Variants in CSMD2 observed in about 807,000 individuals in gnomAD.
CSMD2 encodes CUB and Sushi multiple domains 2, also known as CUB and sushi domain-containing protein 2.
Under a neutral mutation model 398.5 loss-of-function variants are expected in CSMD2, and 130 were observed. That is an observed-to-expected ratio of 0.33 (90% CI 0.28 to 0.38). CSMD2 has a LOEUF of 0.38. Ranked by LOEUF, CSMD2 falls within the 10% of genes least tolerant of loss-of-function variation. The pLI, the probability that CSMD2 is intolerant of heterozygous loss-of-function variation, is 1.00. For synonymous variants in CSMD2, 1,828 were observed against 1,908.5 expected, an observed-to-expected ratio of 0.96 and a Z score of 1.10; for missense variants, 3,829 against 4,764.9, an observed-to-expected ratio of 0.80 and a Z score of 5.78.
At chr1:34,092,943 C>T (rs1346437374) in intron 1 of CSMD2, among the ~76,000 whole-genome samples, 1 of 152,078 alleles carries the variant, frequency 6.6e-6, no homozygotes, top group Non-Finnish European at 1.5e-5. Context: ...GTAGGCTCCA[C>T]CTCTGGGGGC....
intron 1 of CSMD2, among the ~76,000 whole-genome samples, chr1:34,095,876 T>C (rs953765564): frequency 2.6e-5 from 4 of 151,672 alleles, no homozygotes; most frequent in African/African-American, 2.4e-5. Flanking sequence ...TTCCAATCAA[T>C]AGAAAAAGAA....
At chr1:34,077,995 A>T (rs2625687) in intron 2 of CSMD2, among the ~76,000 whole-genome samples, 1 of 151,644 alleles carries the variant, frequency 6.6e-6, no homozygotes, top group Non-Finnish European at 1.5e-5. Flanking sequence ...TACTCATGAA[A>T]TTTTTTTTTA....
At position 33,636,606 on chromosome 1, in the gene CSMD2, G is replaced by A; in HGVS notation, c.4775-52C>T. On this transcript the variant is annotated intron_variant, in intron 29 of 70. Coordinates refer to ENST00000373381, the MANE Select transcript of CSMD2 (RefSeq NM_001281956.2). This position sits in a 1 kb window ranked among gnomAD's most constrained non-coding sequence, Gnocchi z 4.8. ...CACACACACAGAGGGCTCATGAGGA[G>A]GCTATTCTTGGGCTCCAGTGCCCAT... is the stretch of plus-strand genomic sequence containing the variant. 6.6e-7 allele frequency: 1 copy of A among 1,518,370 alleles called. No individual in the cohort carries two copies. Among genetic ancestry groups the A allele is most frequent in the Non-Finnish European group, 9.1e-7 (1 of 1,102,106 alleles). The allele number at this position is 1,518,370 out of a possible 1,614,324, so 94.1% of individuals were successfully genotyped here.
At chr1:33,832,230 T>C (rs1435896170) in intron 6 of CSMD2, among the ~76,000 whole-genome samples, 1 of 151,744 alleles carries the variant, frequency 6.6e-6, no homozygotes, top group African/African-American at 2.4e-5. Flanking sequence ...CACCACACCA[T>C]AACTATTCCA....
chr1:33,688,494 C>T (rs776995580), intron 25 of CSMD2, among the ~76,000 whole-genome samples: 6 of 152,114 alleles, frequency 3.9e-5, no homozygotes, highest in Non-Finnish European at 7.3e-5. Context: ...CGTTTCATTT[C>T]GAGTTTATAA....
At chr1:34,131,348 G>GT (rs1169788999) in intron 1 of CSMD2, among the ~76,000 whole-genome samples, 1 of 140,812 alleles carries the variant, frequency 7.1e-6, no homozygotes, top group African/African-American at 3.2e-5. Context: ...GTGCAGGAGA[G>GT]GGGGGGGTCT....
chr1:33,980,727 G>C lies in CSMD2; in HGVS notation c.518-44773C>G, dbSNP rs572092672. On this transcript the variant is annotated intron_variant, in intron 3 of 70. Coordinates refer to ENST00000373381, the MANE Select transcript of CSMD2 (RefSeq NM_001281956.2). ...CTCTAGAAGATTAGAGTCTAGTAGG[G>C]GTGGTAGGCAGTCATCAGAAAGCCC... is the stretch of plus-strand genomic sequence containing the variant. Among the ~76,000 whole-genome samples the C allele has an allele frequency of 4.5e-4, 68 of 152,284 alleles. 1 individual carries two copies. In the Middle Eastern group the frequency reaches 0.02, roughly 46 times the overall value.
At chr1:33,825,950 T>C (rs1658760998) in intron 6 of CSMD2, among the ~76,000 whole-genome samples, 176 bp from the exon 7 acceptor site, 1 of 152,076 alleles carries the variant, frequency 6.6e-6, no homozygotes, top group South Asian at 2.1e-4. Flanking sequence ...ACCTCAGACA[T>C]GAAGGAAAAG....
At chr1:33,935,641 G>A in intron 4 of CSMD2, 119 bp downstream of exon 4, 1 of 1,077,300 alleles carries the variant, frequency 9.3e-7, no homozygotes. Context: ...GTCCAGACTT[G>A]GGTACCCCCC....
chr1:33,581,613 A>C (rs75489678), intron 47 of CSMD2, among the ~76,000 whole-genome samples: 3,755 of 151,980 alleles, frequency 0.025, 96 homozygotes, highest in African/African-American at 0.064. Flanking sequence ...GAATGAATAC[A>C]TAGCAATAAA....
At chr1:33,576,680 T>C (rs940335892) in intron 49 of CSMD2, among the ~76,000 whole-genome samples, 1 of 152,210 alleles carries the variant, frequency 6.6e-6, no homozygotes, top group Non-Finnish European at 1.5e-5. Flanking sequence ...AAGAGCTTTG[T>C]ACACGGATGA....
In CSMD2 at chr1:33,559,565, A is replaced by T; in HGVS notation, c.8381-92T>A. ...CTCACCTGGCATCTCTTAGGCCATC[A>T]GTGAAGTTCAGCCCTAAGTCTAACT... On this transcript the variant is annotated intron_variant, in intron 53 of 70. Coordinates refer to ENST00000373381, the MANE Select transcript of CSMD2 (RefSeq NM_001281956.2). The surrounding 1 kb of genome is among the most constrained non-coding windows in gnomAD (Gnocchi z 4.0). The T allele has an allele frequency of 8.7e-7, 1 of 1,143,108 alleles. No homozygotes were observed. The highest frequency in any genetic ancestry group is 1.2e-6 in the Non-Finnish European group (1 of 805,518). 70.8% of individuals were successfully genotyped at this position (1,143,108 alleles called of 1,614,324 possible). A position where few individuals can be genotyped will look rare whatever the true frequency, so the allele number is the denominator to read the frequency against.
intron 1 of CSMD2, among the ~76,000 whole-genome samples, chr1:34,126,751 C>T (rs1558428335): frequency 6.6e-6 from 1 of 151,002 alleles, no homozygotes; most frequent in Non-Finnish European, 1.5e-5. Context: ...GTCCTTGTGG[C>T]CAGGAGGAAG....
At position 33,519,491 on chromosome 1, in the gene CSMD2, G is replaced by T; in HGVS notation, c.*27C>A. 6.2e-7 allele frequency: 1 copy of T among 1,607,998 alleles called. No homozygotes were observed. The highest frequency in any genetic ancestry group is 8.5e-7 in the Non-Finnish European group (1 of 1,177,874). ...GGCTGCTGGAGGCGGGGCTCTCGGT[G>T]GCGGTGGTGGCGGCCAGGCCGGGTG... On this transcript the variant is annotated 3_prime_UTR_variant, in exon 70 of 71. Transcript: ENST00000373381. This position sits in a 1 kb window ranked among gnomAD's most constrained non-coding sequence, Gnocchi z 5.6.
intron 59 of CSMD2, 122 bp from the exon 60 acceptor site, chr1:33,540,820 C>A: frequency 9.2e-7 from 1 of 1,084,624 alleles, no homozygotes. Context: ...CAGGAAGAAC[C>A]AGAATGGGGC....
rs200333295 is a variant in CSMD2 at position 33,533,016 on chromosome 1, G to A, written c.10171+34C>T. 5.9e-5 allele frequency: 92 copies of A among 1,567,686 alleles called. No individual in the cohort carries two copies. The highest frequency in any genetic ancestry group is 1.6e-4 in the East Asian group (7 of 44,028). On this transcript the variant is annotated intron_variant, in intron 64 of 70. Transcript: ENST00000373381. The surrounding 1 kb of genome is among the most constrained non-coding windows in gnomAD (Gnocchi z 4.2). ...GTTCAGCCAGCACTTTCAGCCTCCCGCCCTGGAGAGCTTCCCCGAGCAGGC... is the reference window on the plus strand; with the variant it reads ...GTTCAGCCAGCACTTTCAGCCTCCCACCCTGGAGAGCTTCCCCGAGCAGGC...
intron 1 of CSMD2, among the ~76,000 whole-genome samples, chr1:34,144,470 A>G (rs1207645841): frequency 6.6e-6 from 1 of 152,166 alleles, no homozygotes; most frequent in Non-Finnish European, 1.5e-5. Flanking sequence ...GCTCAGCCCC[A>G]ACCCACCTTG....
intron 5 of CSMD2, among the ~76,000 whole-genome samples, chr1:33,888,433 AAT>A (rs1476487207): frequency 6.6e-6 from 1 of 152,222 alleles, no homozygotes; most frequent in African/African-American, 2.4e-5. Flanking sequence ...AGAGAAATAA[AAT>A]AGAAGAAAAA....
intron 13 of CSMD2, among the ~76,000 whole-genome samples, chr1:33,758,572 A>G (rs1057067932): frequency 4.6e-5 from 7 of 152,150 alleles, no homozygotes; most frequent in African/African-American, 1.7e-4. Flanking sequence ...GTCTGCCCTC[A>G]GGGAGTTTAT....
Sources: gnomAD v4.1 joint callset for allele counts (sites outside exome capture counted in the v4.1 genomes callset) on GRCh38, gnomAD v4.1.1 for gene constraint, Gnocchi (gnomAD v3.1) non-coding constraint, MANE v1.5 for transcripts, NCBI Gene and HGNC (gene_info 2026-07-23, HGNC 2026-07-21) for gene names.